COL21A1: variants seen among roughly 807,000 people sequenced by gnomAD.
The protein encoded by COL21A1 is collagen type XXI alpha 1 chain.
COL21A1 carries 149 observed loss-of-function variants against 137.9 expected under a neutral mutation model. That is an observed-to-expected ratio of 1.08 (90% CI 0.95 to 1.24). The LOEUF is 1.24. Among genes scored for constraint, COL21A1 ranks in the 50% most tolerant of loss-of-function variants. COL21A1 has a pLI of 0.00. For missense variants in COL21A1, 1,167 were observed against 1,158.4 expected, an observed-to-expected ratio of 1.01 and a Z score of -0.11; for synonymous variants, 456 against 391.5, an observed-to-expected ratio of 1.16 and a Z score of -1.95.
chr6:56,144,991 G>T (rs966254966), intron 10 of COL21A1, among the ~76,000 whole-genome samples: 2 of 152,148 alleles, frequency 1.3e-5, no homozygotes, highest in Non-Finnish European at 2.9e-5. Flanking sequence ...CAGGTGTTAG[G>T]AACTCAATAA....
intron 1 of COL21A1, among the ~76,000 whole-genome samples, chr6:56,216,274 G>T (rs1380901014): frequency 1.3e-5 from 2 of 152,010 alleles, no homozygotes; most frequent in Non-Finnish European, 2.9e-5. Flanking sequence ...AGCCAACTCA[G>T]ATACATCCAA....
chr6:56,085,638 C>T (rs561804598), intron 17 of COL21A1, among the ~76,000 whole-genome samples: 56 of 151,928 alleles, frequency 3.7e-4, no homozygotes, highest in Non-Finnish European at 7.1e-4. Flanking sequence ...TCTTTTTGAT[C>T]TACTTGTTTC....
chr6:56,219,216 CAAAAAAAAAAAA>C (rs386407160), intron 1 of COL21A1, among the ~76,000 whole-genome samples: 1 of 76,484 alleles, frequency 1.3e-5, no homozygotes, highest in Non-Finnish European at 2.3e-5. Context: ...AAACTTGCAC[CAAAAAAAAAAAA>C]AAAAAAAAAA....
At chr6:56,086,686 C>T (rs1189677903) in intron 17 of COL21A1, among the ~76,000 whole-genome samples, 4 of 151,978 alleles carry the variant, frequency 2.6e-5, no homozygotes, top group South Asian at 2.1e-4. Flanking sequence ...GAAAGGCAGG[C>T]GCACTGGGTG....
chr6:56,204,859 T>C (rs557406194), intron 1 of COL21A1, among the ~76,000 whole-genome samples: 30 of 152,150 alleles, frequency 2.0e-4, no homozygotes, highest in Non-Finnish European at 4.1e-4. Context: ...TGAATGAACC[T>C]ATGGCAAACT....
chr6:56,257,660 T>C (rs931807683), intron 1 of COL21A1, among the ~76,000 whole-genome samples: 1 of 152,168 alleles, frequency 6.6e-6, no homozygotes, highest in African/African-American at 2.4e-5. Context: ...GTCATTGTCC[T>C]GTGAAAGCAG....
chr6:56,269,654 CAAAAA>C (rs70986792), intron 1 of COL21A1, among the ~76,000 whole-genome samples: 3 of 64,050 alleles, frequency 4.7e-5, no homozygotes, highest in African/African-American at 8.7e-5. Flanking sequence ...GACTCCGTCT[CAAAAA>C]AAAAAAAAAA....
Position 56,068,975 on chromosome 6 carries a change from A to C in COL21A1, c.2091+71T>G, listed in dbSNP as rs1179400250. On this transcript the variant is annotated intron_variant, in intron 22 of 29. Coordinates refer to ENST00000244728, the MANE Select transcript of COL21A1 (RefSeq NM_030820.4). ...ATTAATAACAAGTCCTACTTTAAGA[A>C]TTTCACAAAAGAAAAACTTGTTTGC... 10 of 990,078 alleles carry C rather than the reference A, an allele frequency of 1.0e-5. No individual in the cohort carries two copies. The Admixed American group carries it at 2.3e-4, about 23-fold the overall frequency. 61.3% of individuals were successfully genotyped at this position (990,078 alleles called of 1,614,324 possible). A position where few individuals can be genotyped will look rare whatever the true frequency, so the allele number is the denominator to read the frequency against.
chr6:56,149,915 A>G (rs978301320), intron 10 of COL21A1, among the ~76,000 whole-genome samples: 2 of 152,192 alleles, frequency 1.3e-5, no homozygotes, highest in Non-Finnish European at 2.9e-5. Context: ...TTTAAAAATA[A>G]GTTAAATCAC....
At chr6:56,208,041 A>G (rs1473265349) in intron 1 of COL21A1, among the ~76,000 whole-genome samples, 1 of 152,172 alleles carries the variant, frequency 6.6e-6, no homozygotes, top group African/African-American at 2.4e-5. Context: ...TCTCAAAATC[A>G]TAAGAGCTAT....
At chr6:56,271,163 T>C (rs1464726938) in intron 1 of COL21A1, among the ~76,000 whole-genome samples, 4 of 152,204 alleles carry the variant, frequency 2.6e-5, no homozygotes, top group East Asian at 1.9e-4. Context: ...AAAATGCTGA[T>C]AGTGACAATG....
chr6:56,259,472 G>GGCT (rs1763195389), intron 1 of COL21A1, among the ~76,000 whole-genome samples: 1 of 152,088 alleles, frequency 6.6e-6, no homozygotes, highest in Non-Finnish European at 1.5e-5. Context: ...AGCTTCCCTT[G>GGCT]GCTGCTTCCA....
chr6:56,125,932 T>C (rs1436451368), intron 13 of COL21A1, among the ~76,000 whole-genome samples, 164 bp downstream of exon 13: 1 of 151,946 alleles, frequency 6.6e-6, no homozygotes, highest in East Asian at 1.9e-4. Flanking sequence ...TTAAAGGGAA[T>C]TTTGTAAAGT....
chr6:56,159,634 CTT>C (rs11449474), intron 9 of COL21A1, among the ~76,000 whole-genome samples: 192 of 123,538 alleles, frequency 1.6e-3, no homozygotes, highest in Middle Eastern at 4.9e-3. Flanking sequence ...CCTGGCCTTA[CTT>C]TTTTTTTTTT....
intron 1 of COL21A1, among the ~76,000 whole-genome samples, chr6:56,339,879 C>CA (rs1582792746): frequency 6.6e-6 from 1 of 151,848 alleles, no homozygotes; most frequent in Non-Finnish European, 1.5e-5. Flanking sequence ...GGGAGAATAC[C>CA]GGAAAAAATA....
intron 1 of COL21A1, among the ~76,000 whole-genome samples, chr6:56,304,959 C>T (rs1410980422): frequency 2.0e-5 from 3 of 152,184 alleles, no homozygotes; most frequent in Non-Finnish European, 4.4e-5. Flanking sequence ...TTTCAAAGAA[C>T]ATCTTTATTT....
chr6:56,175,321 A>G (rs759349454), intron 3 of COL21A1, among the ~76,000 whole-genome samples: 3 of 152,124 alleles, frequency 2.0e-5, no homozygotes, highest in Non-Finnish European at 4.4e-5. Flanking sequence ...AGGCATTCAA[A>G]TCACAAAAGA....
chr6:56,074,342 T>C, intron 19 of COL21A1, 57 bp from the exon 20 acceptor site: 1 of 1,167,342 alleles, frequency 8.6e-7, no homozygotes, highest in Non-Finnish European at 1.2e-6. Flanking sequence ...TAAAAAATAT[T>C]AAATCAATTT....
At chr6:56,139,700 C>T (rs1774273848) in intron 12 of COL21A1, among the ~76,000 whole-genome samples, 1 of 152,036 alleles carries the variant, frequency 6.6e-6, no homozygotes, top group Admixed American at 6.6e-5. Context: ...TATTGGAGTT[C>T]CTTGGTTATG....
Sources: allele counts gnomAD v4.1 joint callset (sites outside exome capture counted in the v4.1 genomes callset), GRCh38; gene constraint gnomAD v4.1.1; transcripts MANE v1.5; gene names NCBI Gene and HGNC (gene_info 2026-07-23, HGNC 2026-07-21).